IL1RAPL1: variants seen among roughly 807,000 people sequenced by gnomAD.
IL1RAPL1 encodes the protein interleukin-1 receptor accessory protein-like 1.
A neutral mutation model predicts 48.4 loss-of-function variants in IL1RAPL1; 3 were observed. The observed-to-expected ratio is 0.06, with a 90% confidence interval of 0.03 to 0.16. The LOEUF (loss-of-function observed/expected upper bound fraction) is 0.16, where lower values mean the gene tolerates loss of function less well. Ranked by LOEUF, IL1RAPL1 falls within the 10% of genes least tolerant of loss-of-function variation. The pLI, the probability that IL1RAPL1 is intolerant of heterozygous loss-of-function variation, is 1.00. For synonymous variants in IL1RAPL1, 185 were observed against 187.7 expected (o/e 0.99, Z 0.12); for missense variants, 349 against 530.6 (o/e 0.66, Z 3.36).
chrX:29,084,151 A>G (rs1208309506), intron 2 of IL1RAPL1, among the ~76,000 whole-genome samples: 1 of 111,796 alleles, frequency 8.9e-6, no homozygotes, highest in Non-Finnish European at 1.9e-5. Context: ...GGGCATGACT[A>G]CACATTTCAT....
At chrX:29,421,514 A>G (rs764854659) in intron 5 of IL1RAPL1, among the ~76,000 whole-genome samples, 1 of 110,570 alleles carries the variant, frequency 9.0e-6, no homozygotes, top group South Asian at 3.9e-4. Flanking sequence ...GATGCTAGCA[A>G]AAAACATACA....
At chrX:29,030,245 G>A (rs982444534) in intron 2 of IL1RAPL1, among the ~76,000 whole-genome samples, 5 of 110,925 alleles carry the variant, frequency 4.5e-5, no homozygotes. Context: ...TTGCCTCTCC[G>A]TATAAACTTT....
At chrX:28,725,919 T>A (rs754433352) in intron 1 of IL1RAPL1, among the ~76,000 whole-genome samples, 3 of 112,427 alleles carry the variant, frequency 2.7e-5, no homozygotes, top group African/African-American at 9.7e-5. Flanking sequence ...AAAAGCATCA[T>A]GTACTTAAAT....
chrX:28,666,972 A>C (rs1029033055), intron 1 of IL1RAPL1, among the ~76,000 whole-genome samples: 18 of 112,078 alleles, frequency 1.6e-4, no homozygotes, highest in Admixed American at 1.1e-3. Context: ...AACAATTTGC[A>C]TCTTGAATTA....
chrX:29,337,406 G>A (rs1204542998), intron 3 of IL1RAPL1, among the ~76,000 whole-genome samples: 1 of 111,208 alleles, frequency 9.0e-6, no homozygotes, highest in Non-Finnish European at 1.9e-5. Flanking sequence ...AATTTAAAGG[G>A]AAAAAAGATT....
chrX:29,740,122 G>GAAAAAAAAAA (rs1172511347), intron 6 of IL1RAPL1, among the ~76,000 whole-genome samples: 2 of 52,291 alleles, frequency 3.8e-5, no homozygotes, highest in Non-Finnish European at 7.3e-5. Flanking sequence ...CAAAAAAACA[G>GAAAAAAAAAA]AAAAAAAAAA....
At chrX:28,588,204 ATATGTGTG>A (rs1170936943) in intron 1 of IL1RAPL1, among the ~76,000 whole-genome samples, 157 bp downstream of exon 1, 2 of 36,226 alleles carry the variant, frequency 5.5e-5, no homozygotes, top group African/African-American at 3.3e-4. Flanking sequence ...GGGTGTGTTG[ATATGTGTG>A]TGTGTGTGTG....
intron 5 of IL1RAPL1, among the ~76,000 whole-genome samples, chrX:29,527,692 A>G (rs749836382): frequency 9.0e-6 from 1 of 111,422 alleles, no homozygotes; most frequent in Non-Finnish European, 1.9e-5. Context: ...ACATTTTACT[A>G]TATTAAAAAC....
chrX:29,748,291 A>G (rs1339810001), intron 6 of IL1RAPL1, among the ~76,000 whole-genome samples: 1 of 112,353 alleles, frequency 8.9e-6, no homozygotes, highest in Non-Finnish European at 1.9e-5. Context: ...TCCAGGTACC[A>G]AAAACTTTCT....
chrX:29,200,466 A>G (rs1930533414), intron 2 of IL1RAPL1, among the ~76,000 whole-genome samples: 1 of 112,215 alleles, frequency 8.9e-6, no homozygotes, highest in South Asian at 3.7e-4. Context: ...ATCTTTGAAT[A>G]TATGACTATT....
chrX:28,618,734 A>G (rs1934250009), intron 1 of IL1RAPL1, among the ~76,000 whole-genome samples: 1 of 112,571 alleles, frequency 8.9e-6, no homozygotes, highest in Non-Finnish European at 1.9e-5. Flanking sequence ...TATAAAGTTA[A>G]CTTTTCAATT....
chrX:28,652,231 T>C (rs1289644002), intron 1 of IL1RAPL1, among the ~76,000 whole-genome samples: 1 of 111,271 alleles, frequency 9.0e-6, no homozygotes, highest in Non-Finnish European at 1.9e-5. Context: ...TACTCTGTTG[T>C]TGCATGCTCT....
Position 29,423,031 on chromosome X carries a change from G to A in IL1RAPL1, c.703+23723G>A, listed in dbSNP as rs961541321. On this transcript the variant is annotated intron_variant, in intron 5 of 10. Transcript: ENST00000378993. ...AGACTGACAGAACTAGACTCTTTAAGCCTGATAAGAAACATTTACAACTGA... is the reference window on the plus strand; with the variant it reads ...AGACTGACAGAACTAGACTCTTTAAACCTGATAAGAAACATTTACAACTGA... Among the ~76,000 whole-genome samples the A allele has an allele frequency of 8.1e-5, 9 of 111,673 alleles. No homozygotes were observed. In the East Asian group the frequency reaches 1.7e-3, roughly 21 times the overall value.
At chrX:29,733,813 A>G (rs990305362) in intron 6 of IL1RAPL1, among the ~76,000 whole-genome samples, 12 of 112,640 alleles carry the variant, frequency 1.1e-4, no homozygotes, top group African/African-American at 3.9e-4. Flanking sequence ...TATTATTTCT[A>G]TCCTGGATTA....
intron 2 of IL1RAPL1, among the ~76,000 whole-genome samples, chrX:29,005,556 G>A (rs1925958207): frequency 8.9e-6 from 1 of 111,813 alleles, no homozygotes; most frequent in African/African-American, 3.3e-5. Context: ...TAAACTTTTA[G>A]CAGCAAGAAA....
At chrX:29,146,363 A>G (rs751229766) in intron 2 of IL1RAPL1, among the ~76,000 whole-genome samples, 3 of 110,904 alleles carry the variant, frequency 2.7e-5, no homozygotes, top group Admixed American at 9.7e-5. Context: ...TAAATAGGGC[A>G]TTTCCAGGCC....
At chrX:28,830,471 C>T (rs1448669010) in intron 2 of IL1RAPL1, among the ~76,000 whole-genome samples, 1 of 111,803 alleles carries the variant, frequency 8.9e-6, no homozygotes, top group Non-Finnish European at 1.9e-5. Flanking sequence ...TACTTTACAA[C>T]TCCAGAATTT....
At chrX:29,129,841 G>A (rs1909597280) in intron 2 of IL1RAPL1, among the ~76,000 whole-genome samples, 1 of 110,326 alleles carries the variant, frequency 9.1e-6, no homozygotes, top group Non-Finnish European at 1.9e-5. Context: ...TGATCCGCCC[G>A]CCTCGGCCTC....
chrX:28,646,837 G>T (rs964494421), intron 1 of IL1RAPL1, among the ~76,000 whole-genome samples: 1 of 112,066 alleles, frequency 8.9e-6, no homozygotes, highest in Non-Finnish European at 1.9e-5. Context: ...ATATCCCAAA[G>T]ATAACATTTG....
Sources: gnomAD v4.1 joint callset for allele counts (sites outside exome capture counted in the v4.1 genomes callset) on GRCh38, gnomAD v4.1.1 for gene constraint, MANE v1.5 for transcripts, NCBI Gene and HGNC (gene_info 2026-07-23, HGNC 2026-07-21) for gene names.